The following HS6ST3 variants were observed in gnomAD, a reference collection of about 807,000 sequenced individuals.
The protein encoded by HS6ST3 is heparan sulfate 6-O-sulfotransferase 3, also known as heparan-sulfate 6-O-sulfotransferase 3.
Under a neutral mutation model 36.7 loss-of-function variants are expected in HS6ST3, and 12 were observed. The observed-to-expected ratio is 0.33, with a 90% CI of 0.21 to 0.53. The LOEUF (loss-of-function observed/expected upper bound fraction) is 0.53. Ranked by LOEUF, HS6ST3 falls within the 20% of genes least tolerant of loss-of-function variation. The probability of loss-of-function intolerance (pLI) is 0.95; values close to 1 mark genes in which losing one functional copy is unlikely to be tolerated. For synonymous variants in HS6ST3, 240 were observed against 257.5 expected (o/e 0.93, Z 0.65); for missense variants, 584 against 640.9 (o/e 0.91, Z 0.96).
intron 1 of HS6ST3, among the ~76,000 whole-genome samples, chr13:96,659,234 G>A (rs1439170063): frequency 2.0e-5 from 3 of 152,112 alleles, no homozygotes; most frequent in Admixed American, 6.5e-5. Flanking sequence ...TAGTGGTTTG[G>A]GGTGGTTATT....
At chr13:96,171,722 G>T (rs982704687) in intron 1 of HS6ST3, among the ~76,000 whole-genome samples, 4 of 152,006 alleles carry the variant, frequency 2.6e-5, no homozygotes, top group African/African-American at 9.7e-5. Flanking sequence ...AAGTAGTTAG[G>T]GTCAAAGCAC....
At chr13:96,772,518 A>T (rs1566449975) in intron 1 of HS6ST3, among the ~76,000 whole-genome samples, 1 of 152,214 alleles carries the variant, frequency 6.6e-6, no homozygotes, top group Non-Finnish European at 1.5e-5. Context: ...ATAGCAATAA[A>T]TCAAAGATCA....
At chr13:96,803,071 A>G (rs747302909) in intron 1 of HS6ST3, among the ~76,000 whole-genome samples, 4 of 152,116 alleles carry the variant, frequency 2.6e-5, no homozygotes, top group Non-Finnish European at 4.4e-5. Flanking sequence ...AGGACTTTCA[A>G]ATGATGAATT....
chr13:96,653,085 G>T (rs2056613133), intron 1 of HS6ST3, among the ~76,000 whole-genome samples: 1 of 152,024 alleles, frequency 6.6e-6, no homozygotes, highest in Admixed American at 6.6e-5. Context: ...CTTTTCTGAG[G>T]TGGATGCAGA....
Position 96,192,046 on chromosome 13 carries a change from G to A in HS6ST3, c.707+100477G>A, listed in dbSNP as rs1161423679. ...TTACTCACTGCAAGACTTTGGCCAA[G>A]TAATTTACCCAGTGCATACTCAGGA... On this transcript the variant is annotated intron_variant, in intron 1 of 1. Coordinates refer to ENST00000376705, the MANE Select transcript of HS6ST3 (RefSeq NM_153456.4). Among the ~76,000 whole-genome samples the A allele has an allele frequency of 3.9e-5, 6 of 152,264 alleles. No homozygotes were observed. The East Asian group carries it at 1.2e-3, about 29-fold the overall frequency.
chr13:96,753,639 G>C (rs537623160), intron 1 of HS6ST3, among the ~76,000 whole-genome samples: 18 of 151,896 alleles, frequency 1.2e-4, no homozygotes, highest in Non-Finnish European at 2.5e-4. Context: ...ATCTTCTGTA[G>C]AAAATGACTC....
intron 1 of HS6ST3, among the ~76,000 whole-genome samples, chr13:96,283,684 A>G (rs1480835193): frequency 1.3e-5 from 2 of 152,212 alleles, no homozygotes; most frequent in Non-Finnish European, 2.9e-5. Flanking sequence ...GTGTATAATT[A>G]TCTATAATTT....
At chr13:96,328,769 C>T (rs2055047578) in intron 1 of HS6ST3, among the ~76,000 whole-genome samples, 1 of 152,178 alleles carries the variant, frequency 6.6e-6, no homozygotes, top group Non-Finnish European at 1.5e-5. Flanking sequence ...CCCGTTCCTC[C>T]TTGTACCTCT....
At chr13:96,347,836 C>A (rs930276304) in intron 1 of HS6ST3, among the ~76,000 whole-genome samples, 1 of 152,196 alleles carries the variant, frequency 6.6e-6, no homozygotes, top group Non-Finnish European at 1.5e-5. Context: ...ACCCCTTTCA[C>A]TATAACTGGG....
chr13:96,232,822 G>T (rs1172343709), intron 1 of HS6ST3, among the ~76,000 whole-genome samples: 4 of 152,148 alleles, frequency 2.6e-5, no homozygotes, highest in Non-Finnish European at 5.9e-5. Flanking sequence ...CTGGTCTAGG[G>T]GTTCTGGCTG....
chr13:96,352,803 C>G (rs1228370925), intron 1 of HS6ST3, among the ~76,000 whole-genome samples: 2 of 152,136 alleles, frequency 1.3e-5, no homozygotes, highest in Admixed American at 6.5e-5. Context: ...TAGTCTTTAC[C>G]AGGCATAATT....
chr13:96,642,628 A>T (rs1043562665), intron 1 of HS6ST3, among the ~76,000 whole-genome samples: 1 of 151,856 alleles, frequency 6.6e-6, no homozygotes, highest in Non-Finnish European at 1.5e-5. Flanking sequence ...CTTATCTTCA[A>T]ACTGACTAAT....
At chr13:96,767,602 G>A (rs971970459) in intron 1 of HS6ST3, among the ~76,000 whole-genome samples, 2 of 152,136 alleles carry the variant, frequency 1.3e-5, no homozygotes, top group Admixed American at 6.5e-5. Context: ...AAATAAAACT[G>A]GTTTGTGGAT....
intron 1 of HS6ST3, among the ~76,000 whole-genome samples, chr13:96,507,701 G>A (rs532597591): frequency 2.2e-4 from 33 of 151,846 alleles, no homozygotes; most frequent in Admixed American, 1.6e-3. Context: ...AAGGCTACGC[G>A]CATCTTAAAA....
chr13:96,238,120 A>T (rs886456818), intron 1 of HS6ST3, among the ~76,000 whole-genome samples: 1 of 152,164 alleles, frequency 6.6e-6, no homozygotes, highest in African/African-American at 2.4e-5. Context: ...TCCTTATCTC[A>T]GTAAAGACTA....
At chr13:96,546,932 C>G (rs1366218613) in intron 1 of HS6ST3, among the ~76,000 whole-genome samples, 1 of 152,150 alleles carries the variant, frequency 6.6e-6, no homozygotes, top group African/African-American at 2.4e-5. Context: ...AGCTATGCAC[C>G]TCTTGTATTT....
intron 1 of HS6ST3, among the ~76,000 whole-genome samples, chr13:96,411,200 T>G (rs1314552649): frequency 1.3e-5 from 2 of 152,182 alleles, no homozygotes; most frequent in Non-Finnish European, 2.9e-5. Context: ...AATAACCTCT[T>G]AGCCACCCCC....
At chr13:96,566,948 G>C (rs1022684739) in intron 1 of HS6ST3, among the ~76,000 whole-genome samples, 1 of 151,980 alleles carries the variant, frequency 6.6e-6, no homozygotes, top group East Asian at 1.9e-4. Flanking sequence ...AAAAAAACAG[G>C]AATTTCTCAT....
intron 1 of HS6ST3, among the ~76,000 whole-genome samples, chr13:96,773,379 G>A (rs1877313927): frequency 6.8e-6 from 1 of 147,940 alleles, no homozygotes; most frequent in Non-Finnish European, 1.5e-5. Context: ...AGCTCAGTGG[G>A]CCCCCTATGG....
Sources: gnomAD v4.1 joint callset for allele counts (sites outside exome capture counted in the v4.1 genomes callset) on GRCh38, gnomAD v4.1.1 for gene constraint, MANE v1.5 for transcripts, NCBI Gene and HGNC (gene_info 2026-07-23, HGNC 2026-07-21) for gene names.